PCSK2: variants seen among roughly 807,000 people sequenced by gnomAD.
PCSK2 encodes the protein proprotein convertase subtilisin/kexin type 2, also known as neuroendocrine convertase 2.
A neutral mutation model predicts 69.7 loss-of-function variants in PCSK2; 14 were observed. The observed-to-expected ratio is 0.20, with a 90% confidence interval of 0.13 to 0.31. The LOEUF (loss-of-function observed/expected upper bound fraction) is 0.31, where lower values mean the gene tolerates loss of function less well. Among genes scored for constraint, PCSK2 ranks in the 10% least tolerant of loss-of-function variants. PCSK2 has a pLI of 1.00. For synonymous variants in PCSK2, 307 were observed against 320.7 expected (o/e 0.96, Z 0.46); for missense variants, 544 against 842.5 (o/e 0.65, Z 4.39).
chr20:17,242,603 T>C (rs1986623394), intron 1 of PCSK2, among the ~76,000 whole-genome samples: 1 of 152,228 alleles, frequency 6.6e-6, no homozygotes, highest in Non-Finnish European at 1.5e-5. Flanking sequence ...TAGCAATTGG[T>C]CTCTCGTTCT....
intron 6 of PCSK2, among the ~76,000 whole-genome samples, chr20:17,426,313 A>G (rs980405453): frequency 6.6e-6 from 1 of 152,130 alleles, no homozygotes; most frequent in Non-Finnish European, 1.5e-5. Flanking sequence ...TTCCACCATG[A>G]TTTTAAGTTT....
intron 8 of PCSK2, among the ~76,000 whole-genome samples, chr20:17,441,637 G>A (rs1346904286): frequency 6.6e-6 from 1 of 152,128 alleles, no homozygotes; most frequent in Non-Finnish European, 1.5e-5. Flanking sequence ...GACAAGAGAA[G>A]AGAGCTTCTG....
chr20:17,286,456 C>A (rs1335591399), intron 2 of PCSK2, among the ~76,000 whole-genome samples: 2 of 151,016 alleles, frequency 1.3e-5, no homozygotes, highest in African/African-American at 2.4e-5. Flanking sequence ...TGCACAGGAT[C>A]GTTTTTTTGT....
At chr20:17,239,841 CTTTTTTT>C (rs869179656) in intron 1 of PCSK2, among the ~76,000 whole-genome samples, 231 of 68,654 alleles carry the variant, frequency 3.4e-3, no homozygotes, top group Admixed American at 3.3e-3. Flanking sequence ...GGTGAAAACA[CTTTTTTT>C]TTTTTTTTTT....
intron 5 of PCSK2, among the ~76,000 whole-genome samples, chr20:17,375,930 C>T (rs1835325528): frequency 6.6e-6 from 1 of 152,136 alleles, no homozygotes; most frequent in South Asian, 2.1e-4. Flanking sequence ...TGTTTCCTAC[C>T]CCTTGACTTT....
At chr20:17,383,877 C>T (rs1303907376) in intron 5 of PCSK2, among the ~76,000 whole-genome samples, 1 of 152,164 alleles carries the variant, frequency 6.6e-6, no homozygotes, top group East Asian at 1.9e-4. Context: ...GGAAACAATG[C>T]TTATAATTAT....
chr20:17,480,353 CTAAT>C (rs1185833791), intron 11 of PCSK2, among the ~76,000 whole-genome samples: 1 of 151,932 alleles, frequency 6.6e-6, no homozygotes, highest in Non-Finnish European at 1.5e-5. Context: ...CCAAGCCCGG[CTAAT>C]TTTTCGTATT....
chr20:17,311,881 C>T (rs571214944), intron 2 of PCSK2, among the ~76,000 whole-genome samples: 68 of 152,116 alleles, frequency 4.5e-4, no homozygotes, highest in Non-Finnish European at 7.1e-4. Context: ...GGTATATACT[C>T]TAAATGCCAT....
At chr20:17,464,225 C>A (rs1373817691) in intron 10 of PCSK2, 1 of 152,112 alleles carries the variant, frequency 6.6e-6, no homozygotes, top group Non-Finnish European at 1.5e-5. Context: ...ATCTTCAATG[C>A]CCCTAGGAGA....
chr20:17,227,967 G>T (rs1172460777), intron 1 of PCSK2, among the ~76,000 whole-genome samples: 2 of 152,136 alleles, frequency 1.3e-5, no homozygotes, highest in Admixed American at 1.3e-4. Context: ...GCGCCGGGAG[G>T]ACTTCCCTCC....
At chr20:17,318,449 T>TTCATATAGATGAAAAACA (rs1301158093) in intron 2 of PCSK2, among the ~76,000 whole-genome samples, 2 of 152,202 alleles carry the variant, frequency 1.3e-5, no homozygotes, top group Non-Finnish European at 2.9e-5. Context: ...TTTTCATCAT[T>TTCATATAGATGAAAAACA]TCATATAGAT....
chr20:17,348,274 G>A (rs881659), intron 2 of PCSK2, among the ~76,000 whole-genome samples: 24,929 of 152,202 alleles, frequency 0.16, 2,625 homozygotes, highest in Non-Finnish European at 0.24. Context: ...AGTTAGCTAA[G>A]AGCAAGAAGA....
At chr20:17,337,998 A>T (rs1990402797) in intron 2 of PCSK2, among the ~76,000 whole-genome samples, 2 of 151,586 alleles carry the variant, frequency 1.3e-5, no homozygotes, top group African/African-American at 4.8e-5. Context: ...TTCTGCATAC[A>T]ATGTGCCTGG....
At chr20:17,267,873 C>T (rs1987684960) in intron 2 of PCSK2, among the ~76,000 whole-genome samples, 1 of 151,846 alleles carries the variant, frequency 6.6e-6, no homozygotes, top group Admixed American at 6.6e-5. Context: ...CTTTACAATT[C>T]ACAAGGTGAA....
At chr20:17,319,704 C>T (rs556991762) in intron 2 of PCSK2, among the ~76,000 whole-genome samples, 65 of 152,250 alleles carry the variant, frequency 4.3e-4, no homozygotes, top group South Asian at 3.3e-3. Context: ...AAATCAAGGA[C>T]GTTACTGCAA....
chr20:17,328,169 G>A (rs190954253), intron 2 of PCSK2, among the ~76,000 whole-genome samples: 8 of 152,116 alleles, frequency 5.3e-5, no homozygotes, highest in Admixed American at 2.0e-4. Context: ...TAGTTACAAA[G>A]CATTTTTAAA....
intron 1 of PCSK2, among the ~76,000 whole-genome samples, chr20:17,258,882 G>GA (rs1470948896): frequency 6.8e-6 from 1 of 147,690 alleles, no homozygotes; most frequent in African/African-American, 2.5e-5. Context: ...AGGCCTAGAG[G>GA]AAAAAAAACA....
chr20:17,252,663 C>A (rs1272177736), intron 1 of PCSK2, among the ~76,000 whole-genome samples: 1 of 152,180 alleles, frequency 6.6e-6, no homozygotes, highest in African/African-American at 2.4e-5. Context: ...ACCACTCCAC[C>A]ACAGAGTACT....
intron 11 of PCSK2, among the ~76,000 whole-genome samples, chr20:17,473,656 T>C (rs2033242848): frequency 6.6e-6 from 1 of 152,086 alleles, no homozygotes; most frequent in Non-Finnish European, 1.5e-5. Context: ...AATCAGAAAA[T>C]GCAAGTGAGC....
Sources: gnomAD v4.1 joint callset for allele counts (sites outside exome capture counted in the v4.1 genomes callset) on GRCh38, gnomAD v4.1.1 for gene constraint, MANE v1.5 for transcripts, NCBI Gene and HGNC (gene_info 2026-07-23, HGNC 2026-07-21) for gene names.